ZFYVE28: variants seen among roughly 807,000 people sequenced by gnomAD.
ZFYVE28 encodes the protein lateral signaling target protein 2 homolog.
In ZFYVE28, 40 loss-of-function variants were observed where a neutral mutation model predicts 82.1. That is an observed-to-expected ratio of 0.49 (90% CI 0.38 to 0.63). The LOEUF (loss-of-function observed/expected upper bound fraction) is 0.63. Ranked by LOEUF, ZFYVE28 falls within the 30% of genes least tolerant of loss-of-function variation. The pLI, the probability that ZFYVE28 is intolerant of heterozygous loss-of-function variation, is 0.00. For synonymous variants in ZFYVE28, 612 were observed against 546.1 expected (o/e 1.12, Z -1.68); for missense variants, 1,321 against 1,242.1 (o/e 1.06, Z -0.96).
chr4:2,292,596 G>A (rs981614347), intron 8 of ZFYVE28, among the ~76,000 whole-genome samples: 1 of 152,156 alleles, frequency 6.6e-6, no homozygotes, highest in Admixed American at 6.5e-5. Context: ...CTGCAGCAAA[G>A]AAACTCCATT....
At chr4:2,325,592 C>CTTTT (rs58460729) in intron 6 of ZFYVE28, among the ~76,000 whole-genome samples, 5 of 122,226 alleles carry the variant, frequency 4.1e-5, no homozygotes, top group Non-Finnish European at 8.3e-5. Context: ...TTAAATCTTA[C>CTTTT]TTTTTTTTTT....
At chr4:2,315,384 C>G (rs1043580728) in intron 7 of ZFYVE28, among the ~76,000 whole-genome samples, 1 of 152,156 alleles carries the variant, frequency 6.6e-6, no homozygotes, top group African/African-American at 2.4e-5. Flanking sequence ...CTCCCAGGTT[C>G]AAGTGATTCT....
At chr4:2,340,804 AGGG>A (rs1722669319) in intron 3 of ZFYVE28, among the ~76,000 whole-genome samples, 1 of 152,038 alleles carries the variant, frequency 6.6e-6, no homozygotes. Flanking sequence ...TGGGGTGGGC[AGGG>A]TGGACACAGG....
In ZFYVE28 at chr4:2,415,663, G is replaced by C. The variant is rs527837597; in HGVS notation, c.39+2622C>G. ...AATGTTTAACACTTCAACTCTTCCA[G>C]GCCCAGAATCTTCCCAGGACTGACT... is the stretch of plus-strand genomic sequence containing the variant. On this transcript the variant is annotated intron_variant, in intron 1 of 12. Transcript: ENST00000290974. Among the ~76,000 whole-genome samples the C allele has an allele frequency of 3.9e-5, 6 of 152,182 alleles. No individual in the cohort carries two copies. The South Asian group carries it at 1.2e-3, about 32-fold the overall frequency.
chr4:2,291,883 A>AGGAGCTAGGGTGGG (rs1713764377), intron 8 of ZFYVE28, among the ~76,000 whole-genome samples: 1 of 152,200 alleles, frequency 6.6e-6, no homozygotes, highest in Admixed American at 6.5e-5. Context: ...CACTGGGCCA[A>AGGAGCTAGGGTGGG]GGAGCTAGGG....
Position 2,304,889 on chromosome 4 carries a change from G to A in ZFYVE28, c.1451C>T (p.Ser484Leu), listed in dbSNP as rs377484299. 194 of 1,612,534 alleles carry A rather than the reference G, an allele frequency of 1.2e-4. No individual in the cohort carries two copies. The highest frequency in any genetic ancestry group is 6.8e-4 in the South Asian group (62 of 91,072). ...CTCCCAGCCGTCCAGGTGCAGCCGCGAGTCCAGGCAGCTGCAGGAGCTGGT... is the reference window on the plus strand; with the variant it reads ...CTCCCAGCCGTCCAGGTGCAGCCGCAAGTCCAGGCAGCTGCAGGAGCTGGT... The part of the protein sequence containing the change: ...AGTSSCSCLD[S>L]RLHLDGWEVG... The change falls in exon 8 of 13, where the codon TCG becomes TTG. Residue 484 changes from serine to leucine, a missense_variant. Coordinates refer to ENST00000290974, the MANE Select transcript of ZFYVE28 (RefSeq NM_020972.3).
intron 1 of ZFYVE28, among the ~76,000 whole-genome samples, chr4:2,354,398 C>G (rs1283853504): frequency 3.3e-5 from 5 of 151,944 alleles, no homozygotes. Flanking sequence ...AGAAAAGGGG[C>G]TCTGGGAAGA....
intron 8 of ZFYVE28, among the ~76,000 whole-genome samples, chr4:2,303,044 G>A (rs931536513): frequency 9.2e-5 from 14 of 152,314 alleles, no homozygotes; most frequent in Admixed American, 1.3e-4. Context: ...CAGAAGAGGC[G>A]AACCCATCGA....
At chr4:2,353,856 G>A (rs1724836603) in intron 2 of ZFYVE28, 77 bp downstream of exon 2, 7 of 1,316,262 alleles carry the variant, frequency 5.3e-6, no homozygotes, top group East Asian at 3.1e-5. Context: ...AGGTGACAAA[G>A]CCTTGGTCTA....
intron 1 of ZFYVE28, among the ~76,000 whole-genome samples, chr4:2,355,048 C>T (rs1465532309): frequency 2.0e-5 from 3 of 151,386 alleles, no homozygotes; most frequent in Admixed American, 1.3e-4. Context: ...CCAACCCCGC[C>T]TGGCCTCCTT....
chr4:2,331,701 C>T lies in ZFYVE28; in HGVS notation c.701+4004G>A, dbSNP rs541210114. 8.5e-5 allele frequency among the ~76,000 whole-genome samples: 13 copies of T among 152,250 alleles called. No homozygotes were observed. In the South Asian group the frequency reaches 2.1e-3, roughly 24 times the overall value. Reference sequence around the variant, plus strand: ...CAGGGCAAGTGGGGCCCCTCCCCTACGGCTCAGAGCAAGTCCCCACAGGGG... The same window carrying T: ...CAGGGCAAGTGGGGCCCCTCCCCTATGGCTCAGAGCAAGTCCCCACAGGGG... On this transcript the variant is annotated intron_variant, in intron 6 of 12. Coordinates refer to ENST00000290974, the MANE Select transcript of ZFYVE28 (RefSeq NM_020972.3).
At position 2,332,482 on chromosome 4, in the gene ZFYVE28, G is replaced by A. The variant is rs188537484; in HGVS notation, c.701+3223C>T. On this transcript the variant is annotated intron_variant, in intron 6 of 12. Transcript: ENST00000290974. This position sits in a 1 kb window ranked among gnomAD's most constrained non-coding sequence, Gnocchi z 4.7. ...GCCTTCAGCTCCTGTCCACCCCATGGGGTCCCTGCACTGAGTCCCCCTTCC... is the reference window on the plus strand; with the variant it reads ...GCCTTCAGCTCCTGTCCACCCCATGAGGTCCCTGCACTGAGTCCCCCTTCC... 2.0e-5 allele frequency among the ~76,000 whole-genome samples: 3 copies of A among 152,146 alleles called. No homozygotes were observed. Among genetic ancestry groups the A allele is most frequent in the African/African-American group, 4.8e-5 (2 of 41,402 alleles).
At chr4:2,295,463 G>A (rs554191471) in intron 8 of ZFYVE28, 1 of 152,232 alleles carries the variant, frequency 6.6e-6, no homozygotes, top group East Asian at 1.9e-4. Context: ...GAGCCACCAT[G>A]CCCAGCATTT....
intron 1 of ZFYVE28, among the ~76,000 whole-genome samples, chr4:2,410,897 TG>T (rs1030963247): frequency 3.6e-4 from 55 of 152,232 alleles, no homozygotes; most frequent in Admixed American, 3.3e-3. Context: ...TGTATAAAGC[TG>T]CTATGAACAT....
intron 8 of ZFYVE28, among the ~76,000 whole-genome samples, chr4:2,299,083 A>G (rs1715093651): frequency 6.6e-6 from 1 of 152,250 alleles, no homozygotes; most frequent in African/African-American, 2.4e-5. Context: ...AAATCAAAAG[A>G]CATTCAAAAA....
chr4:2,290,182 A>G (rs1713399285), intron 8 of ZFYVE28, among the ~76,000 whole-genome samples: 1 of 152,162 alleles, frequency 6.6e-6, no homozygotes, highest in South Asian at 2.1e-4. Flanking sequence ...AAGGCCGCCC[A>G]TGCTGGCAAC....
At chr4:2,391,738 C>CTTTTT (rs374413016) in intron 1 of ZFYVE28, among the ~76,000 whole-genome samples, 14 of 139,826 alleles carry the variant, frequency 1.0e-4, no homozygotes, top group South Asian at 2.3e-4. Flanking sequence ...AATTCTCTCT[C>CTTTTT]TCTTTTTTTT....
At chr4:2,306,051 C>T (rs1716523142) in intron 7 of ZFYVE28, among the ~76,000 whole-genome samples, 2 of 152,236 alleles carry the variant, frequency 1.3e-5, no homozygotes, top group Non-Finnish European at 2.9e-5. Flanking sequence ...TTTATACAAA[C>T]AATGACTGAA....
intron 8 of ZFYVE28, among the ~76,000 whole-genome samples, chr4:2,275,850 G>GCGGT (rs1355363210): frequency 2.9e-4 from 44 of 152,382 alleles, no homozygotes; most frequent in African/African-American, 1.0e-3. Flanking sequence ...GGTCTTAGAC[G>GCGGT]CGGTGCTGGG....
Sources: allele counts gnomAD v4.1 joint callset (sites outside exome capture counted in the v4.1 genomes callset), GRCh38; gene constraint gnomAD v4.1.1; non-coding constraint Gnocchi (gnomAD v3.1); transcripts MANE v1.5; gene names NCBI Gene and HGNC (gene_info 2026-07-23, HGNC 2026-07-21).